SKIC3: variants seen among roughly 807,000 people sequenced by gnomAD.
SKIC3 encodes the protein SKI3 subunit of superkiller complex, also known as superkiller complex protein 3.
chr5:95,517,317 A>G, the SKIC3 span: 1 of 1,612,652 alleles, frequency 6.2e-7, no homozygotes, highest in Non-Finnish European at 8.5e-7. Context: ...TCGATGCTGT[A>G]GAGCACTAAA....
chr5:95,472,030 T>C, the SKIC3 span, among the ~76,000 whole-genome samples: 4 of 152,190 alleles, frequency 2.6e-5, no homozygotes, highest in Admixed American at 6.5e-5. Flanking sequence ...TCATCTGCAG[T>C]TCCACTAATC....
chr5:95,541,714 G>C, the SKIC3 span: 8 of 802,770 alleles, frequency 1.0e-5, no homozygotes, highest in Non-Finnish European at 1.6e-5. Context: ...AAAAAGCTTC[G>C]CAATTCCCAG....
chr5:95,508,834 T>C, the SKIC3 span, among the ~76,000 whole-genome samples: 2 of 152,184 alleles, frequency 1.3e-5, no homozygotes, highest in African/African-American at 2.4e-5. Context: ...ATTTATTAAA[T>C]GAATAAATAA....
At chr5:95,483,382 T>C in the SKIC3 span, among the ~76,000 whole-genome samples, 1 of 152,184 alleles carries the variant, frequency 6.6e-6, no homozygotes, top group South Asian at 2.1e-4. Flanking sequence ...TGCTTTCTTC[T>C]AAGTAAGAGA....
chr5:95,528,124 C>G, the SKIC3 span: 2 of 1,613,636 alleles, frequency 1.2e-6, no homozygotes, highest in African/African-American at 2.7e-5. Context: ...TGTTACCAGA[C>G]GCACCAAGAT....
chr5:95,477,115 C>T, the SKIC3 span, among the ~76,000 whole-genome samples: 2 of 152,140 alleles, frequency 1.3e-5, no homozygotes, highest in East Asian at 1.9e-4. Flanking sequence ...GCTTCTGTGG[C>T]TCACCAGTTA....
the SKIC3 span, chr5:95,530,306 A>G: frequency 6.4e-7 from 1 of 1,550,510 alleles, no homozygotes; most frequent in Non-Finnish European, 8.8e-7. Flanking sequence ...TTAAATCTCA[A>G]AATCTGCCTT....
the SKIC3 span, among the ~76,000 whole-genome samples, chr5:95,518,403 T>G: frequency 6.6e-6 from 1 of 152,116 alleles, no homozygotes; most frequent in Admixed American, 6.6e-5. Context: ...CTAGAACTTA[T>G]TCCTCCTATC....
chr5:95,471,071 T>C, the SKIC3 span, among the ~76,000 whole-genome samples: 4 of 152,140 alleles, frequency 2.6e-5, no homozygotes, highest in South Asian at 2.1e-4. Context: ...GTATAGGCAA[T>C]AGCAATTTGT....
chr5:95,478,297 A>T, the SKIC3 span: 1 of 1,613,794 alleles, frequency 6.2e-7, no homozygotes, highest in South Asian at 1.1e-5. Context: ...TACCATACAG[A>T]CTTTTAATGC....
the SKIC3 span, chr5:95,547,032 T>G: frequency 3.1e-6 from 5 of 1,591,800 alleles, no homozygotes; most frequent in Admixed American, 6.7e-5. Context: ...TAACATACTT[T>G]CATTGTGGAA....
chr5:95,478,602 T>C, the SKIC3 span, among the ~76,000 whole-genome samples: 1 of 152,320 alleles, frequency 6.6e-6, no homozygotes, highest in South Asian at 2.1e-4. Context: ...AAAAAAGGGC[T>C]GTCATATTGC....
the SKIC3 span, among the ~76,000 whole-genome samples, chr5:95,492,643 A>AAAAAACAAG: frequency 2.1e-5 from 1 of 48,488 alleles, no homozygotes; most frequent in African/African-American, 2.2e-4. Context: ...TCTCAAAAAA[A>AAAAAACAAG]AAAAAAAAGA....
the SKIC3 span, among the ~76,000 whole-genome samples, chr5:95,488,725 C>A: frequency 1.3e-5 from 2 of 152,020 alleles, no homozygotes; most frequent in Middle Eastern, 3.4e-3. Flanking sequence ...CATGAAAACA[C>A]ACAAAAGTAA....
the SKIC3 span, chr5:95,517,027 T>C: frequency 2.4e-5 from 38 of 1,613,552 alleles, no homozygotes; most frequent in East Asian, 1.1e-4. Context: ...ATGTATTAGA[T>C]GTAGACATCA....
chr5:95,533,536 C>T, the SKIC3 span, among the ~76,000 whole-genome samples: 1 of 152,164 alleles, frequency 6.6e-6, no homozygotes, highest in African/African-American at 2.4e-5. Context: ...TGTACCCAAA[C>T]CTGAATTTCT....
At chr5:95,529,602 C>G in the SKIC3 span, among the ~76,000 whole-genome samples, 1 of 152,114 alleles carries the variant, frequency 6.6e-6, no homozygotes, top group Non-Finnish European at 1.5e-5. Context: ...TTCACAGATT[C>G]ATCTCTGCCT....
At chr5:95,546,043 C>G in the SKIC3 span, among the ~76,000 whole-genome samples, 1 of 152,082 alleles carries the variant, frequency 6.6e-6, no homozygotes, top group Non-Finnish European at 1.5e-5. Context: ...TTTCCATTGC[C>G]TATCAGCCCA....
the SKIC3 span, among the ~76,000 whole-genome samples, chr5:95,507,589 T>C: frequency 6.6e-6 from 1 of 152,328 alleles, no homozygotes; most frequent in African/African-American, 2.4e-5. Flanking sequence ...AGTTGGATAT[T>C]TAACAAGATT....
Sources: allele counts gnomAD v4.1 joint callset (sites outside exome capture counted in the v4.1 genomes callset), GRCh38; gene constraint gnomAD v4.1.1; transcripts MANE v1.5; gene names NCBI Gene and HGNC (gene_info 2026-07-23, HGNC 2026-07-21).